The following CDK6 variants were observed in gnomAD, a reference collection of about 807,000 sequenced individuals.
The protein encoded by CDK6 is cyclin dependent kinase 6, also known as cyclin-dependent kinase 6.
CDK6 carries 6 observed loss-of-function variants against 37.1 expected under a neutral mutation model. The observed-to-expected ratio is 0.16, with a 90% CI of 0.09 to 0.32. CDK6 has a LOEUF of 0.32. Ranked by LOEUF, CDK6 falls within the 10% of genes least tolerant of loss-of-function variation. CDK6 has a pLI of 1.00. For synonymous variants in CDK6, 160 were observed against 161.3 expected (o/e 0.99, Z 0.06); for missense variants, 224 against 418.9 (o/e 0.53, Z 4.06).
intron 2 of CDK6, among the ~76,000 whole-genome samples, chr7:92,797,930 G>T (rs1800457539): frequency 6.6e-6 from 1 of 152,198 alleles, no homozygotes; most frequent in Non-Finnish European, 1.5e-5. Context: ...AACACTGGAG[G>T]TGCTCCAGTG....
intron 3 of CDK6, among the ~76,000 whole-genome samples, chr7:92,737,136 T>C (rs1253908406): frequency 6.6e-6 from 1 of 152,194 alleles, no homozygotes; most frequent in Admixed American, 6.5e-5. Context: ...AAACAATGTG[T>C]AAACCTCCCA....
chr7:92,788,273 T>C (rs146776090), intron 2 of CDK6, among the ~76,000 whole-genome samples: 85 of 152,314 alleles, frequency 5.6e-4, no homozygotes, highest in African/African-American at 1.9e-3. Context: ...TAATGAAAAC[T>C]GTGGGAGATA....
intron 2 of CDK6, among the ~76,000 whole-genome samples, chr7:92,776,630 T>A (rs1202141951): frequency 6.6e-6 from 1 of 152,256 alleles, no homozygotes; most frequent in Non-Finnish European, 1.5e-5. Flanking sequence ...CATCTCATTG[T>A]GGTTTTGATT....
chr7:92,733,589 T>C (rs2115594088), intron 3 of CDK6, among the ~76,000 whole-genome samples: 1 of 152,314 alleles, frequency 6.6e-6, no homozygotes, highest in African/African-American at 2.4e-5. Context: ...GCTTAATTTT[T>C]AATGGTTCTA....
intron 3 of CDK6, among the ~76,000 whole-genome samples, chr7:92,749,518 A>G (rs1210905487): frequency 2.0e-5 from 3 of 152,198 alleles, no homozygotes; most frequent in Non-Finnish European, 4.4e-5. Flanking sequence ...ATCAACTGAG[A>G]AAAAACAGAT....
rs760890420 is a variant in CDK6 at position 92,608,439 on chromosome 7, A to G, written c.*6701T>C. On this transcript the variant is annotated 3_prime_UTR_variant, in exon 8 of 8. Coordinates refer to ENST00000424848, the MANE Select transcript of CDK6 (RefSeq NM_001145306.2). ...CAACTGAAGACGAAGCAGAAAATAA[A>G]CTTTTCAAAACAAAACTTTTCCAGG... is the stretch of plus-strand genomic sequence containing the variant. The G allele has an allele frequency of 8.7e-6, 2 of 231,018 alleles. No individual in the cohort carries two copies. Among genetic ancestry groups the G allele is most frequent in the Non-Finnish European group, 1.7e-5 (2 of 116,724 alleles). The allele number at this position is 231,018 out of a possible 1,614,324, so 14.3% of individuals were successfully genotyped here. A position where few individuals can be genotyped will look rare whatever the true frequency, so the allele number is the denominator to read the frequency against.
intron 2 of CDK6, among the ~76,000 whole-genome samples, chr7:92,826,291 A>G (rs4310125): frequency 0.024 from 3,586 of 152,212 alleles, 136 homozygotes; most frequent in South Asian, 0.18. Flanking sequence ...TCCATCTTAC[A>G]TAACAGAAAT....
At chr7:92,725,841 T>C (rs1296167840) in intron 3 of CDK6, 48 bp from the exon 4 acceptor site, 13 of 1,560,588 alleles carry the variant, frequency 8.3e-6, no homozygotes, top group Non-Finnish European at 1.1e-5. Context: ...AAACGGAAGT[T>C]GAGCATTTGC....
chr7:92,676,537 G>A (rs1328219273), intron 4 of CDK6, among the ~76,000 whole-genome samples: 1 of 152,114 alleles, frequency 6.6e-6, no homozygotes, highest in African/African-American at 2.4e-5. Context: ...AACTCTAAAA[G>A]AGAGTTGAGT....
chr7:92,800,711 C>A (rs1409625540), intron 2 of CDK6, among the ~76,000 whole-genome samples: 5 of 152,152 alleles, frequency 3.3e-5, no homozygotes, highest in African/African-American at 1.2e-4. Context: ...ATGTTCTATG[C>A]CATGTACTGC....
chr7:92,718,175 T>G (rs927699158), intron 4 of CDK6, among the ~76,000 whole-genome samples: 1 of 152,096 alleles, frequency 6.6e-6, no homozygotes, highest in African/African-American at 2.4e-5. Context: ...CTATGAAATA[T>G]GTACTGGCAA....
At chr7:92,627,628 G>C (rs1354255508) in intron 5 of CDK6, among the ~76,000 whole-genome samples, 1 of 152,040 alleles carries the variant, frequency 6.6e-6, no homozygotes, top group Non-Finnish European at 1.5e-5. Flanking sequence ...TATTTTGTTA[G>C]CAGCCCAAGC....
intron 2 of CDK6, among the ~76,000 whole-genome samples, chr7:92,794,196 T>G (rs577761846): frequency 1.3e-5 from 2 of 152,292 alleles, no homozygotes; most frequent in South Asian, 4.1e-4. Context: ...ACTTACTGAG[T>G]GCTTACTGTG....
intron 4 of CDK6, among the ~76,000 whole-genome samples, chr7:92,674,245 T>A (rs968510736): frequency 3.3e-5 from 5 of 152,164 alleles, no homozygotes; most frequent in African/African-American, 9.7e-5. Flanking sequence ...TCCACATATG[T>A]AAATTTCACC....
intron 3 of CDK6, among the ~76,000 whole-genome samples, chr7:92,752,055 C>T (rs1035614118): frequency 6.6e-6 from 1 of 152,116 alleles, no homozygotes; most frequent in Non-Finnish European, 1.5e-5. Context: ...GCAAGAGTCA[C>T]AAATCTAGCT....
At chr7:92,758,868 T>C (rs1345222539) in intron 3 of CDK6, among the ~76,000 whole-genome samples, 2 of 152,192 alleles carry the variant, frequency 1.3e-5, no homozygotes, top group Non-Finnish European at 2.9e-5. Flanking sequence ...GTTAGCTGTA[T>C]TCCTAGGTAT....
At chr7:92,745,725 C>G (rs962938056) in intron 3 of CDK6, among the ~76,000 whole-genome samples, 1 of 152,020 alleles carries the variant, frequency 6.6e-6, no homozygotes, top group Non-Finnish European at 1.5e-5. Context: ...TAAATGTAGC[C>G]GCTATTTCCA....
intron 2 of CDK6, among the ~76,000 whole-genome samples, chr7:92,784,337 G>C (rs1329186612): frequency 1.3e-5 from 2 of 152,100 alleles, no homozygotes; most frequent in Non-Finnish European, 2.9e-5. Flanking sequence ...AAATAGATTT[G>C]GAAGTTCAAA....
chr7:92,663,920 G>A (rs929615149), intron 5 of CDK6, among the ~76,000 whole-genome samples: 8 of 152,000 alleles, frequency 5.3e-5, no homozygotes, highest in African/African-American at 1.7e-4. Context: ...TTGGGAGGCC[G>A]AGGCGGGCGG....
Sources: gnomAD v4.1 joint callset for allele counts (sites outside exome capture counted in the v4.1 genomes callset) on GRCh38, gnomAD v4.1.1 for gene constraint, MANE v1.5 for transcripts, NCBI Gene and HGNC (gene_info 2026-07-23, HGNC 2026-07-21) for gene names.